FGF14: variants seen among roughly 807,000 people sequenced by gnomAD.
The protein encoded by FGF14 is fibroblast growth factor 14.
FGF14 carries 5 observed loss-of-function variants against 25.5 expected under a neutral mutation model. The ratio of observed to expected loss-of-function variants is 0.20; its 90% CI spans 0.10 to 0.41. The LOEUF is 0.41. Among genes scored for constraint, FGF14 ranks in the 10% least tolerant of loss-of-function variants. FGF14 has a pLI of 1.00. For missense variants in FGF14, 222 were observed against 320.1 expected (o/e 0.69, Z 2.34); for synonymous variants, 138 against 118.3 (o/e 1.17, Z -1.08).
rs188412705 is a variant in FGF14 at position 102,350,328 on chromosome 13, C to T, written c.208+51143G>A. On this transcript the variant is annotated intron_variant, in intron 1 of 4. Transcript: ENST00000376131. ...AGGTTGTTGTGAGCTATAATTGTGC[C>T]ATCGCACTGCACTCCAGCCTAGGTG... 1.5e-3 allele frequency among the ~76,000 whole-genome samples: 234 copies of T among 151,866 alleles called. 1 individual carries two copies. The highest frequency in any genetic ancestry group is 2.7e-3 in the Admixed American group (41 of 15,274).
chr13:101,808,854 G>C (rs997538114), intron 3 of FGF14, among the ~76,000 whole-genome samples: 9 of 152,008 alleles, frequency 5.9e-5, no homozygotes, highest in Admixed American at 3.9e-4. Context: ...TATTAATATA[G>C]AAAACAATCA....
intron 1 of FGF14, among the ~76,000 whole-genome samples, chr13:101,995,648 A>C (rs374089489): frequency 1.3e-5 from 2 of 152,182 alleles, no homozygotes; most frequent in South Asian, 4.1e-4. Context: ...CTGTAATGGA[A>C]GGCTGAGTAC....
intron 3 of FGF14, among the ~76,000 whole-genome samples, chr13:101,751,186 T>TA (rs2037249075): frequency 1.3e-5 from 2 of 152,186 alleles, no homozygotes; most frequent in South Asian, 4.1e-4. Flanking sequence ...AACTCTAATG[T>TA]AAACTATGGA....
Position 102,285,440 on chromosome 13 carries a change from G to A in FGF14, c.208+116031C>T, listed in dbSNP as rs2054048215. On this transcript the variant is annotated intron_variant, in intron 1 of 4. Coordinates refer to the FGF14 transcript ENST00000376131. ...CTGACAGTTGGTGGGGTAAATGCTA[G>A]TTAAGACTTATATCAACAATAAACT... is the stretch of plus-strand genomic sequence containing the variant. Among the ~76,000 whole-genome samples the A allele has an allele frequency of 1.3e-5, 2 of 152,142 alleles. 1 individual carries two copies. Among genetic ancestry groups the A allele is most frequent in the South Asian group, 4.1e-4 (2 of 4,822 alleles).
chr13:102,156,145 C>T (rs905231336), intron 1 of FGF14, among the ~76,000 whole-genome samples: 1 of 152,142 alleles, frequency 6.6e-6, no homozygotes, highest in Non-Finnish European at 1.5e-5. Flanking sequence ...GGGAATCCTC[C>T]CTAACTCATT....
intron 1 of FGF14, among the ~76,000 whole-genome samples, chr13:101,962,507 A>C (rs1393260828): frequency 6.6e-6 from 1 of 152,180 alleles, no homozygotes; most frequent in Non-Finnish European, 1.5e-5. Flanking sequence ...AGAATGACTA[A>C]AGTTGTGATC....
intron 1 of FGF14, among the ~76,000 whole-genome samples, chr13:102,133,904 T>C (rs2140424226): frequency 6.6e-6 from 1 of 152,318 alleles, no homozygotes; most frequent in Non-Finnish European, 1.5e-5. Context: ...CTGTTTCTTC[T>C]AGGAAAACTG....
At chr13:102,314,183 T>C (rs2055908457) in intron 1 of FGF14, among the ~76,000 whole-genome samples, 1 of 152,234 alleles carries the variant, frequency 6.6e-6, no homozygotes. Flanking sequence ...TCAAAATTTA[T>C]TGAAGTCAGT....
At position 102,121,549 on chromosome 13, in the gene FGF14, A is replaced by G. The variant is rs563965469; in HGVS notation, c.209-246253T>C. On this transcript the variant is annotated intron_variant, in intron 1 of 4. Coordinates refer to the FGF14 transcript ENST00000376131. ...TATGTCCCATGAAAATTATTTAATT[A>G]AGTTTTTATTTGTAATCATATTTTG... 3.8e-4 allele frequency among the ~76,000 whole-genome samples: 58 copies of G among 152,318 alleles called. 2 individuals carry two copies. The South Asian group carries it at 0.012, about 32-fold the overall frequency.
chr13:101,722,264 C>G lies in FGF14; in HGVS notation c.*567G>C, dbSNP rs546536488. On this transcript the variant is annotated 3_prime_UTR_variant, in exon 5 of 5. Transcript: ENST00000376143. Reference sequence around the variant, plus strand: ...ATAGGTTTAGAAGGCTTCCTGATTCCCTGATTGCTCTCCGACCTAAGCCAA... The same window carrying G: ...ATAGGTTTAGAAGGCTTCCTGATTCGCTGATTGCTCTCCGACCTAAGCCAA... 105 of 178,132 alleles carry G rather than the reference C, an allele frequency of 5.9e-4. 3 individuals are homozygous for G. In the South Asian group the frequency reaches 0.012, roughly 20 times the overall value. The allele number at this position is 178,132 out of a possible 1,614,324, so 11.0% of individuals were successfully genotyped here.
chr13:101,942,309 T>C (rs1248586401), intron 1 of FGF14, among the ~76,000 whole-genome samples: 1 of 152,160 alleles, frequency 6.6e-6, no homozygotes, highest in African/African-American at 2.4e-5. Flanking sequence ...TGCCTTCTCC[T>C]TATTCCCTTA....
intron 1 of FGF14, among the ~76,000 whole-genome samples, chr13:102,313,153 T>A (rs770414843): frequency 5.9e-5 from 9 of 152,232 alleles, no homozygotes; most frequent in Admixed American, 1.3e-4. Flanking sequence ...AAGGTTCACA[T>A]TCAGCTATCC....
chr13:102,223,418 C>T (rs1297852320), intron 1 of FGF14, among the ~76,000 whole-genome samples: 3 of 152,120 alleles, frequency 2.0e-5, no homozygotes, highest in Non-Finnish European at 4.4e-5. Context: ...TTCAGTGCTG[C>T]CCCTGGGATC....
chr13:102,206,453 G>A (rs1289031431), intron 1 of FGF14, among the ~76,000 whole-genome samples: 2 of 152,160 alleles, frequency 1.3e-5, no homozygotes, highest in Non-Finnish European at 2.9e-5. Flanking sequence ...GGCTGAGGCG[G>A]GCAGATCACT....
At chr13:102,350,591 G>T (rs1241893767) in intron 1 of FGF14, among the ~76,000 whole-genome samples, 1 of 152,072 alleles carries the variant, frequency 6.6e-6, no homozygotes, top group African/African-American at 2.4e-5. Context: ...CAACTTTTTA[G>T]GATAAATAAA....
intron 3 of FGF14, among the ~76,000 whole-genome samples, chr13:101,837,168 ATGTGTGTG>A (rs201842835): frequency 6.9e-6 from 1 of 143,924 alleles, no homozygotes; most frequent in Non-Finnish European, 1.5e-5. Flanking sequence ...CTGGTACTAT[ATGTGTGTG>A]TGTGTGTATG....
intron 3 of FGF14, among the ~76,000 whole-genome samples, chr13:101,810,627 G>A (rs537239169): frequency 6.6e-6 from 1 of 152,226 alleles, no homozygotes; most frequent in African/African-American, 2.4e-5. Flanking sequence ...TTGCCTTTGT[G>A]CAGTCTCTGT....
In FGF14 at chr13:102,040,781, G is replaced by A. The variant is rs910914207; in HGVS notation, c.209-165485C>T. ...CTGGGCAATCAATTTGGGGGTACCTGGGAAAATTGCAGTGCCTGTCTGCTG... is the reference window on the plus strand; with the variant it reads ...CTGGGCAATCAATTTGGGGGTACCTAGGAAAATTGCAGTGCCTGTCTGCTG... On this transcript the variant is annotated intron_variant, in intron 1 of 4. Transcript: ENST00000376131. 4.6e-5 allele frequency among the ~76,000 whole-genome samples: 7 copies of A among 152,226 alleles called. No individual in the cohort carries two copies. The East Asian group carries it at 1.4e-3, about 29-fold the overall frequency.
rs961117621 is a variant in FGF14, at chr13:102,400,207, G to C, written c.208+1264C>G. ...CCAGTCGCTGGGGCTCTGGGTGCCA[G>C]TGCGGCCCCCGGCAGAGCCCAGGGC... On this transcript the variant is annotated intron_variant, in intron 1 of 4. Coordinates refer to the FGF14 transcript ENST00000376131. This position sits in a 1 kb window ranked among gnomAD's most constrained non-coding sequence, Gnocchi z 4.3. 2.0e-5 allele frequency among the ~76,000 whole-genome samples: 3 copies of C among 152,164 alleles called. No individual in the cohort carries two copies. The highest frequency in any genetic ancestry group is 4.4e-5 in the Non-Finnish European group (3 of 68,022).
Sources: allele counts gnomAD v4.1 joint callset (sites outside exome capture counted in the v4.1 genomes callset), GRCh38; gene constraint gnomAD v4.1.1; non-coding constraint Gnocchi (gnomAD v3.1); transcripts MANE v1.5; gene names NCBI Gene and HGNC (gene_info 2026-07-23, HGNC 2026-07-21).